ABCA10: variants seen among roughly 807,000 people sequenced by gnomAD.
ABCA10 encodes the protein ATP-binding cassette sub-family A member 10.
ABCA10 carries 169 observed loss-of-function variants against 187.5 expected under a neutral mutation model. That is an observed-to-expected ratio of 0.90 (90% CI 0.80 to 1.02). ABCA10 has a LOEUF of 1.02. ABCA10 is among the 50% of genes least tolerant of loss of function. The pLI is 0.00. For synonymous variants in ABCA10, 574 were observed against 601.8 expected, an observed-to-expected ratio of 0.95 and a Z score of 0.68; for missense variants, 1,727 against 1,812.4, an observed-to-expected ratio of 0.95 and a Z score of 0.86.
At chr17:69,208,631 A>G (rs895258880) in intron 9 of ABCA10, among the ~76,000 whole-genome samples, 9 of 152,168 alleles carry the variant, frequency 5.9e-5, no homozygotes, top group African/African-American at 1.9e-4. Context: ...AATTTGATTT[A>G]TATTATAAAG....
At chr17:69,191,717 TAAA>T (rs1176485187) in intron 16 of ABCA10, among the ~76,000 whole-genome samples, 9 of 152,178 alleles carry the variant, frequency 5.9e-5, no homozygotes, top group Non-Finnish European at 1.3e-4. Flanking sequence ...GTGATATACA[TAAA>T]AAACAATCAT....
chr17:69,202,669 T>G (rs561629104), intron 9 of ABCA10, among the ~76,000 whole-genome samples: 2 of 152,318 alleles, frequency 1.3e-5, no homozygotes, highest in South Asian at 2.1e-4. Context: ...TTTAACGTTT[T>G]ATGATCTGGA....
intron 22 of ABCA10, among the ~76,000 whole-genome samples, chr17:69,176,481 G>A (rs184110781): frequency 6.6e-6 from 1 of 151,962 alleles, no homozygotes; most frequent in Admixed American, 6.6e-5. Flanking sequence ...CAGGTGGAAG[G>A]GCAAAAAAGA....
chr17:69,193,054 T>C (rs892194478), intron 15 of ABCA10, 56 bp downstream of exon 15: 1 of 1,530,694 alleles, frequency 6.5e-7, no homozygotes. Flanking sequence ...CTATGAAAAA[T>C]AACTCTCATG....
Position 69,148,733 on chromosome 17 carries a change from T to C in ABCA10, c.*94A>G, listed in dbSNP as rs2074106574. 7.4e-6 allele frequency: 8 copies of C among 1,077,944 alleles called. 1 individual carries two copies. Among genetic ancestry groups the C allele is most frequent in the African/African-American group, 1.6e-5 (1 of 62,576 alleles). 66.8% of individuals were successfully genotyped at this position (1,077,944 alleles called of 1,614,324 possible). ...ATTGAATGTTTATTAAATGTTTTCT[T>C]TTGTTAACTGAAGTAAAAGGAAACA... On this transcript the variant is annotated 3_prime_UTR_variant, in exon 39 of 39. Coordinates refer to ENST00000690296, the MANE Select transcript of ABCA10 (RefSeq NM_001377321.1).
At chr17:69,243,674 G>T (rs1027283706) in intron 1 of ABCA10, among the ~76,000 whole-genome samples, 1 of 152,284 alleles carries the variant, frequency 6.6e-6, no homozygotes, top group East Asian at 1.9e-4. Flanking sequence ...AAGGCAGGAG[G>T]ATCCCTTAAG....
At chr17:69,217,384 A>G (rs2074714416) in intron 6 of ABCA10, among the ~76,000 whole-genome samples, 1 of 152,228 alleles carries the variant, frequency 6.6e-6, no homozygotes, top group Non-Finnish European at 1.5e-5. Flanking sequence ...CAACCACCAC[A>G]TGATCCAGCA....
chr17:69,213,973 T>C (rs1007947349), intron 9 of ABCA10, among the ~76,000 whole-genome samples: 6 of 151,072 alleles, frequency 4.0e-5, no homozygotes, highest in African/African-American at 1.5e-4. Flanking sequence ...TGTGTTTCCT[T>C]CTTCATATTT....
intron 1 of ABCA10, among the ~76,000 whole-genome samples, chr17:69,238,159 C>CAA (rs60735465): frequency 2.9e-5 from 4 of 135,606 alleles, no homozygotes; most frequent in South Asian, 2.4e-4. Context: ...GAGACTCTGT[C>CAA]AAAAAAAAAA....
In ABCA10 at chr17:69,165,041, C is replaced by T. The variant is rs1443431531; in HGVS notation, c.3205G>A (p.Glu1069Lys). 1.1e-5 allele frequency: 18 copies of T among 1,597,694 alleles called. No homozygotes were observed. The highest frequency in any genetic ancestry group is 1.7e-4 in the Middle Eastern group (1 of 6,020). ...ATGCACAAAATTAAGTTGAGTTTTT[C>T]ATATTGAGTTGATACCATAATTGTG... is the stretch of plus-strand genomic sequence containing the variant. ...VSTIMVSTQY[E>K]KLNLILCMIF... Residue 1069 changes from glutamate (E) to lysine (K), a missense_variant, in exon 26 of 39, where the codon GAA (glutamate) becomes AAA (lysine). Physicochemically the swap from Glu to Lys is moderately conservative, Grantham distance 56 (BLOSUM62 1). Transcript: ENST00000690296.
Position 69,182,788 on chromosome 17 carries a change from C to T in ABCA10, c.2518G>A (p.Val840Met), listed in dbSNP as rs188482429. The change falls in exon 21 of 39, where the codon GTG (valine) becomes ATG (methionine). Residue 840 changes from valine to methionine, a missense_variant. By Grantham distance (21) the Val-to-Met change is conservative. Coordinates refer to ENST00000690296, the MANE Select transcript of ABCA10 (RefSeq NM_001377321.1). The stretch of plus-strand genomic sequence containing the variant: ...ATATCCTGACACTTCAGTGAATGCA[C>T]GAGGTCTTCAATATTTGATCCTAAC... ...NNTGSNIEDL[V>M]HSLKCQDIVL... The T allele has an allele frequency of 1.1e-5, 17 of 1,602,726 alleles. No homozygotes were observed. In the East Asian group the frequency reaches 1.3e-4, roughly 13 times the overall value.
chr17:69,177,242 A>T (rs532122062), intron 22 of ABCA10, among the ~76,000 whole-genome samples: 2 of 152,236 alleles, frequency 1.3e-5, no homozygotes, highest in African/African-American at 4.8e-5. Flanking sequence ...GACTGTTTCA[A>T]TTTCCTAAGC....
chr17:69,218,713 C>T (rs192322602), intron 6 of ABCA10, among the ~76,000 whole-genome samples: 3 of 152,168 alleles, frequency 2.0e-5, no homozygotes, highest in East Asian at 3.9e-4. Flanking sequence ...TTTTACCATG[C>T]ACTAACAAAC....
chr17:69,237,427 A>G (rs758978233), intron 1 of ABCA10, among the ~76,000 whole-genome samples: 11 of 152,186 alleles, frequency 7.2e-5, no homozygotes, highest in Non-Finnish European at 1.2e-4. Context: ...CAGTTGGCTG[A>G]ATTTGCTCTA....
Position 69,148,726 on chromosome 17 carries a change from G to A in ABCA10, c.*101C>T. 1.0e-6 allele frequency: 1 copy of A among 1,002,390 alleles called. No homozygotes were observed. The highest frequency in any genetic ancestry group is 1.5e-6 in the Non-Finnish European group (1 of 679,066). The allele number at this position is 1,002,390 out of a possible 1,614,324, so 62.1% of individuals were successfully genotyped here. A position where few individuals can be genotyped will look rare whatever the true frequency, so the allele number is the denominator to read the frequency against. On this transcript the variant is annotated 3_prime_UTR_variant, in exon 39 of 39. Transcript: ENST00000690296. ...AATCATTATTGAATGTTTATTAAAT[G>A]TTTTCTTTTGTTAACTGAAGTAAAA...
intron 25 of ABCA10, among the ~76,000 whole-genome samples, chr17:69,166,273 G>A (rs902709276): frequency 6.6e-6 from 1 of 151,576 alleles, no homozygotes; most frequent in Non-Finnish European, 1.5e-5. Flanking sequence ...AATACCGTAG[G>A]ACCTAGGAAT....
chr17:69,192,037 C>T (rs565892170), intron 16 of ABCA10, among the ~76,000 whole-genome samples: 1 of 152,234 alleles, frequency 6.6e-6, no homozygotes, highest in East Asian at 1.9e-4. Flanking sequence ...TTAAAAATGT[C>T]GTATAGGCCG....
chr17:69,160,188 G>A (rs965646592), intron 27 of ABCA10, among the ~76,000 whole-genome samples: 4 of 152,122 alleles, frequency 2.6e-5, no homozygotes, highest in Admixed American at 1.3e-4. Context: ...ATGGTGAAAA[G>A]ATAACCTACA....
rs2074802059 is a variant in ABCA10 at position 69,227,262 on chromosome 17, A to T, written c.-289T>A. 1 of 151,728 alleles carries T rather than the reference A, an allele frequency of 6.6e-6. No individual in the cohort carries two copies. Among genetic ancestry groups the T allele is most frequent in the East Asian group, 1.9e-4 (1 of 5,182 alleles). 9.4% of individuals were successfully genotyped at this position (151,728 alleles called of 1,614,324 possible). Reference sequence around the variant, plus strand: ...ATTTTGTCCTGTTCATTAACAGGGTAAAGTAAATATTGCAGAGCAATAGCT... The same window carrying T: ...ATTTTGTCCTGTTCATTAACAGGGTTAAGTAAATATTGCAGAGCAATAGCT... On this transcript the variant is annotated 5_prime_UTR_variant, in exon 2 of 39. Coordinates refer to ENST00000690296, the MANE Select transcript of ABCA10 (RefSeq NM_001377321.1).
Sources: allele counts gnomAD v4.1 joint callset (sites outside exome capture counted in the v4.1 genomes callset), GRCh38; gene constraint gnomAD v4.1.1; transcripts MANE v1.5; gene names NCBI Gene and HGNC (gene_info 2026-07-23, HGNC 2026-07-21).